Variants in RBFOX1 observed in about 807,000 individuals in gnomAD.
RBFOX1 encodes RNA binding protein fox-1 homolog 1.
In RBFOX1, 8 loss-of-function variants were observed where a neutral mutation model predicts 57.7. The ratio of observed to expected loss-of-function variants is 0.14; its 90% CI spans 0.08 to 0.25. RBFOX1 has a LOEUF of 0.25. Among genes scored for constraint, RBFOX1 ranks in the 10% least tolerant of loss-of-function variants. The pLI, the probability that RBFOX1 is intolerant of heterozygous loss-of-function variation, is 1.00. For synonymous variants in RBFOX1, 326 were observed against 222.4 expected (o/e 1.47, Z -4.15); for missense variants, 611 against 548.5 (o/e 1.11, Z -1.14).
intron 3 of RBFOX1, among the ~76,000 whole-genome samples, chr16:7,018,693 GAC>G (rs1165876067): frequency 1.3e-5 from 2 of 151,904 alleles, no homozygotes; most frequent in Admixed American, 1.3e-4. Context: ...TAATGTAAAT[GAC>G]ATGTTAATGG....
Position 7,434,475 on chromosome 16 carries a change from AAAAT to A in RBFOX1, c.28-83656_28-83653del, listed in dbSNP as rs200950082. 0.023 allele frequency among the ~76,000 whole-genome samples: 3,466 copies of A among 151,612 alleles called. 216 individuals are homozygous for A. The East Asian group carries it at 0.25, about 11-fold the overall frequency. On this transcript the variant is annotated intron_variant, in intron 4 of 15. Transcript: ENST00000550418. ...CGACAGAGCAAGACTCTGTCTCGTTAAAATAAATAAATAAATAAAAATAAAAATA... is the reference window on the plus strand; with the variant it reads ...CGACAGAGCAAGACTCTGTCTCGTTAAAATAAATAAATAAAAATAAAAATA...
At chr16:6,859,130 C>CGT (rs1238966168) in intron 3 of RBFOX1, among the ~76,000 whole-genome samples, 3,044 of 80,296 alleles carry the variant, frequency 0.038, 269 homozygotes, top group African/African-American at 0.1. Context: ...TATATATATA[C>CGT]ATATATATAC....
At chr16:6,619,203 C>G (rs1277972280) in intron 2 of RBFOX1, among the ~76,000 whole-genome samples, 5 of 152,110 alleles carry the variant, frequency 3.3e-5, no homozygotes, top group Non-Finnish European at 5.9e-5. Flanking sequence ...TCTCATGCCT[C>G]TGTCCCCCCC....
At chr16:5,935,933 A>C (rs558642497) in intron 4 of RBFOX1, among the ~76,000 whole-genome samples, 6 of 152,148 alleles carry the variant, frequency 3.9e-5, no homozygotes, top group African/African-American at 1.4e-4. Flanking sequence ...TACCTCAACC[A>C]GCCTCCCCTG....
chr16:7,053,853 C>T (rs1030683054), intron 4 of RBFOX1, among the ~76,000 whole-genome samples: 12 of 152,074 alleles, frequency 7.9e-5, no homozygotes, highest in African/African-American at 2.9e-4. Flanking sequence ...CTTTTATGGT[C>T]ACTGTTCTTG....
At chr16:5,313,172 C>G (rs571783462) in intron 1 of RBFOX1, among the ~76,000 whole-genome samples, 1 of 152,196 alleles carries the variant, frequency 6.6e-6, no homozygotes, top group African/African-American at 2.4e-5. Flanking sequence ...GGCAGGGATG[C>G]TCATTACTCA....
chr16:6,905,073 T>C (rs1396158928), intron 3 of RBFOX1, among the ~76,000 whole-genome samples: 1 of 152,188 alleles, frequency 6.6e-6, no homozygotes, highest in African/African-American at 2.4e-5. Context: ...AAACTTCGTT[T>C]AACTTTCTTC....
At position 6,019,539 on chromosome 16, in the gene RBFOX1, G is replaced by T; in HGVS notation, c.-580G>T. 5 of 1,092,446 alleles carry T rather than the reference G, an allele frequency of 4.6e-6. No homozygotes were observed. The highest frequency in any genetic ancestry group is 1.6e-5 in the African/African-American group (1 of 61,022). The allele number at this position is 1,092,446 out of a possible 1,614,324, so 67.7% of individuals were successfully genotyped here. A position where few individuals can be genotyped will look rare whatever the true frequency, so the allele number is the denominator to read the frequency against. The stretch of plus-strand genomic sequence containing the variant: ...GGGCGGGGGCGCTCTGCCAGCCCCG[G>T]GAACAGCAGAGGCGGCGGCACTGGC... On this transcript the variant is annotated 5_prime_UTR_variant, in exon 1 of 16. Transcript: ENST00000550418. The surrounding 1 kb of genome is among the most constrained non-coding windows in gnomAD (Gnocchi z 4.2).
intron 3 of RBFOX1, among the ~76,000 whole-genome samples, chr16:6,913,982 C>G (rs924549805): frequency 6.6e-6 from 1 of 152,210 alleles, no homozygotes; most frequent in African/African-American, 2.4e-5. Flanking sequence ...CTCATGTATA[C>G]ATTGCACTTG....
rs184085387 is a variant in RBFOX1, at chr16:5,933,582, A to C, written c.351+66247A>C. Among the ~76,000 whole-genome samples the C allele has an allele frequency of 5.3e-5, 8 of 152,300 alleles. No individual in the cohort carries two copies. The East Asian group carries it at 1.5e-3, about 29-fold the overall frequency. ...CACAGAAAAACAGAAATTGCCATTT[A>C]GGGAGGCCAAGCTATTGTCTTGGGT... On this transcript the variant is annotated intron_variant, in intron 4 of 19. Coordinates refer to the RBFOX1 transcript ENST00000641259.
chr16:7,682,545 GTTTT>G (rs113114330), intron 14 of RBFOX1, among the ~76,000 whole-genome samples: 4 of 136,626 alleles, frequency 2.9e-5, no homozygotes, highest in Non-Finnish European at 6.5e-5. Flanking sequence ...CTTGGTTTTA[GTTTT>G]TTTTTTTTTT....
chr16:5,403,280 G>A (rs868454510), intron 1 of RBFOX1, among the ~76,000 whole-genome samples: 2 of 150,824 alleles, frequency 1.3e-5, no homozygotes, highest in South Asian at 4.2e-4. Context: ...AGCCTGGGAG[G>A]TGGAGTTTGC....
At chr16:5,243,347 C>G (rs756963153) in intron 1 of RBFOX1, among the ~76,000 whole-genome samples, 1 of 152,208 alleles carries the variant, frequency 6.6e-6, no homozygotes, top group Non-Finnish European at 1.5e-5. Flanking sequence ...ATAAAAGCAT[C>G]CAGGGTTGAA....
At chr16:6,800,969 A>G (rs1318062946) in intron 3 of RBFOX1, among the ~76,000 whole-genome samples, 1 of 152,138 alleles carries the variant, frequency 6.6e-6, no homozygotes, top group African/African-American at 2.4e-5. Context: ...ATCTGACAAC[A>G]GTGTGGGAAA....
At chr16:6,005,971 C>G (rs558654628) in intron 4 of RBFOX1, among the ~76,000 whole-genome samples, 1 of 152,124 alleles carries the variant, frequency 6.6e-6, no homozygotes, top group Non-Finnish European at 1.5e-5. Context: ...GTATAGCAGA[C>G]AAGGCTAGGA....
chr16:6,638,242 A>T (rs1365503495), intron 2 of RBFOX1, among the ~76,000 whole-genome samples: 1 of 152,182 alleles, frequency 6.6e-6, no homozygotes, highest in African/African-American at 2.4e-5. Flanking sequence ...AAAACCAGAC[A>T]AATGTAATTA....
At chr16:5,372,187 G>A (rs943479266) in intron 1 of RBFOX1, among the ~76,000 whole-genome samples, 5 of 152,262 alleles carry the variant, frequency 3.3e-5, no homozygotes, top group South Asian at 2.1e-4. Context: ...TGGCTTAGGC[G>A]GGAGGCAGCC....
chr16:6,702,647 C>T (rs1193324572), intron 3 of RBFOX1, among the ~76,000 whole-genome samples: 5 of 152,114 alleles, frequency 3.3e-5, no homozygotes, highest in Admixed American at 3.3e-4. Context: ...TTCTAAGATA[C>T]CCAGCCCAGT....
chr16:7,278,847 G>C (rs1215959937), intron 4 of RBFOX1, among the ~76,000 whole-genome samples: 2 of 152,156 alleles, frequency 1.3e-5, no homozygotes, highest in Non-Finnish European at 1.5e-5. Flanking sequence ...CTGGGCCAAG[G>C]CTGTCTTGTT....
Sources: allele counts gnomAD v4.1 joint callset (sites outside exome capture counted in the v4.1 genomes callset), GRCh38; gene constraint gnomAD v4.1.1; non-coding constraint Gnocchi (gnomAD v3.1); transcripts MANE v1.5; gene names NCBI Gene and HGNC (gene_info 2026-07-23, HGNC 2026-07-21).